The following NAP1L4 variants were observed in gnomAD, a reference collection of about 807,000 sequenced individuals.
NAP1L4 encodes nucleosome assembly protein 1 like 4.
A neutral mutation model predicts 58.2 loss-of-function variants in NAP1L4; 15 were observed. The ratio of observed to expected loss-of-function variants is 0.26; its 90% confidence interval spans 0.17 to 0.40. NAP1L4 has a LOEUF of 0.40. Ranked by LOEUF, NAP1L4 falls within the 10% of genes least tolerant of loss-of-function variation. The pLI is 1.00. For missense variants in NAP1L4, 384 were observed against 451.1 expected, an observed-to-expected ratio of 0.85 and a Z score of 1.35; for synonymous variants, 171 against 155.6, an observed-to-expected ratio of 1.10 and a Z score of -0.74.
chr11:2,970,851 C>CA (rs1401634864), intron 6 of NAP1L4, among the ~76,000 whole-genome samples: 3 of 51,466 alleles, frequency 5.8e-5, no homozygotes, highest in East Asian at 1.1e-3. Flanking sequence ...ATATACCACC[C>CA]CCCCCCCAAA....
In NAP1L4 at chr11:2,949,635, T is replaced by C. The variant is rs6578301; in HGVS notation, c.1123-371A>G. ...CACACCATTAGCCGGAACATGTTTT[T>C]AGTCCCTTCTCCCCCAACCAACATA... On this transcript the variant is annotated intron_variant, in intron 14 of 15. Coordinates refer to ENST00000380542, the MANE Select transcript of NAP1L4 (RefSeq NM_005969.4). The surrounding 1 kb of genome is among the most constrained non-coding windows in gnomAD (Gnocchi z 4.0). 0.085 allele frequency among the ~76,000 whole-genome samples: 12,906 copies of C among 152,258 alleles called. 1,800 individuals carry two copies. Among genetic ancestry groups the C allele is most frequent in the African/African-American group, 0.29 (12,196 of 41,478 alleles).
In NAP1L4 at chr11:2,955,235, G is replaced by A. The variant is rs1318373748; in HGVS notation, c.915+509C>T. Among the ~76,000 whole-genome samples, 2 of 151,948 alleles carry A rather than the reference G, an allele frequency of 1.3e-5. No homozygotes were observed. The highest frequency in any genetic ancestry group is 2.9e-5 in the Non-Finnish European group (2 of 68,004). On this transcript the variant is annotated intron_variant, in intron 11 of 15. Coordinates refer to ENST00000380542, the MANE Select transcript of NAP1L4 (RefSeq NM_005969.4). The surrounding 1 kb of genome is among the most constrained non-coding windows in gnomAD (Gnocchi z 4.2). ...ATCTTTTGAGACGGAGTCTTGCTCT[G>A]TCGCCCAATGGAATACGGTGGTGCA...
At chr11:2,961,706 TTC>T (rs555932291) in intron 8 of NAP1L4, among the ~76,000 whole-genome samples, 196 of 152,016 alleles carry the variant, frequency 1.3e-3, no homozygotes, top group African/African-American at 4.5e-3. Flanking sequence ...CCTTTTTACT[TTC>T]TCTTTTAAAG....
chr11:2,973,741 C>T (rs1011915299), intron 4 of NAP1L4, among the ~76,000 whole-genome samples: 1 of 152,172 alleles, frequency 6.6e-6, no homozygotes, highest in Non-Finnish European at 1.5e-5. Context: ...CTCCCACTGC[C>T]ATTTTTACCC....
chr11:2,964,668 G>C lies in NAP1L4; in HGVS notation c.606+12C>G. On this transcript the variant is annotated intron_variant, in intron 8 of 15. Coordinates refer to ENST00000380542, the MANE Select transcript of NAP1L4 (RefSeq NM_005969.4). ...TGTCTGATGCCAACCAGAAGGTCAA[G>C]TCAGTACTCACCATAGGCTGTCCAG... The C allele has an allele frequency of 1.9e-6, 3 of 1,610,716 alleles. No individual in the cohort carries two copies. The highest frequency in any genetic ancestry group is 2.5e-6 in the Non-Finnish European group (3 of 1,177,134).
intron 4 of NAP1L4, among the ~76,000 whole-genome samples, chr11:2,972,804 C>T (rs1370864992): frequency 2.0e-5 from 3 of 152,020 alleles, no homozygotes; most frequent in African/African-American, 7.2e-5. Context: ...CCTCTCTCTA[C>T]AAAAAAATTT....
At position 2,950,179 on chromosome 11, in the gene NAP1L4, G is replaced by A. The variant is rs116425668; in HGVS notation, c.1123-915C>T. Reference sequence around the variant, plus strand: ...TACAGCCCTCACCGCCCACCACCACGGTGCTGCGCACAGGTACGCTTTCAG... The same window carrying A: ...TACAGCCCTCACCGCCCACCACCACAGTGCTGCGCACAGGTACGCTTTCAG... On this transcript the variant is annotated intron_variant, in intron 14 of 15. Coordinates refer to ENST00000380542, the MANE Select transcript of NAP1L4 (RefSeq NM_005969.4). 3.3e-3 allele frequency among the ~76,000 whole-genome samples: 500 copies of A among 152,330 alleles called. 3 individuals are homozygous for A. The highest frequency in any genetic ancestry group is 0.011 in the African/African-American group (466 of 41,572).
chr11:2,990,457 T>C (rs918990929), intron 1 of NAP1L4: 2 of 152,258 alleles, frequency 1.3e-5, no homozygotes, highest in Non-Finnish European at 2.9e-5. Flanking sequence ...ATTTATTCCA[T>C]TAGCAATTGC....
At chr11:2,982,331 G>T (rs1848369644) in intron 1 of NAP1L4, among the ~76,000 whole-genome samples, 1 of 152,138 alleles carries the variant, frequency 6.6e-6, no homozygotes, top group African/African-American at 2.4e-5. Flanking sequence ...GTATCTCATA[G>T]CACCTTCCTT....
intron 1 of NAP1L4, chr11:2,991,014 C>T (rs754442890): frequency 2.1e-5 from 9 of 427,650 alleles, no homozygotes; most frequent in African/African-American, 1.8e-4. Context: ...GGATAAGGCA[C>T]GGGTTACTAC....
intron 10 of NAP1L4, among the ~76,000 whole-genome samples, chr11:2,957,210 C>T (rs900875039): frequency 3.9e-5 from 6 of 152,156 alleles, no homozygotes; most frequent in South Asian, 2.1e-4. Flanking sequence ...CCCTTCTTCA[C>T]GCTGAATTCA....
chr11:2,945,852 T>C (rs977966227), intron 15 of NAP1L4, among the ~76,000 whole-genome samples: 1 of 152,186 alleles, frequency 6.6e-6, no homozygotes, highest in Admixed American at 6.5e-5. Context: ...TTTTTGTTTT[T>C]AAAGCTATGC....
At position 2,946,498 on chromosome 11, in the gene NAP1L4, A is replaced by C. The variant is rs1349964587; in HGVS notation, c.*33-852T>G. Among the ~76,000 whole-genome samples the C allele has an allele frequency of 6.6e-6, 1 of 152,134 alleles. No individual in the cohort carries two copies. The highest frequency in any genetic ancestry group is 2.4e-5 in the African/African-American group (1 of 41,414). ...GCGCTAGTAACTTTACGAACCTGTA[A>C]CCTATGATTTCTGGCTAAGATTACA... is the stretch of plus-strand genomic sequence containing the variant. On this transcript the variant is annotated intron_variant, in intron 15 of 15. Coordinates refer to ENST00000380542, the MANE Select transcript of NAP1L4 (RefSeq NM_005969.4). The surrounding 1 kb of genome is among the most constrained non-coding windows in gnomAD (Gnocchi z 4.8).
intron 7 of NAP1L4, among the ~76,000 whole-genome samples, chr11:2,969,581 C>T (rs919511749): frequency 6.6e-6 from 1 of 152,178 alleles, no homozygotes; most frequent in African/African-American, 2.4e-5. Flanking sequence ...AAGCGCCCAG[C>T]TTTCCACCAA....
Position 2,971,422 on chromosome 11 carries a change from T to C in NAP1L4, c.402+26A>G, listed in dbSNP as rs1249156011. ...TTTTTAACAGTATTAAAACAGAACA[T>C]GAGTCACATGTTTCTAAAGACTTAC... On this transcript the variant is annotated intron_variant, in intron 6 of 15. Transcript: ENST00000380542. The surrounding 1 kb of genome is among the most constrained non-coding windows in gnomAD (Gnocchi z 4.2). 2 of 1,594,246 alleles carry C rather than the reference T, an allele frequency of 1.3e-6. No individual in the cohort carries two copies. The highest frequency in any genetic ancestry group is 1.7e-6 in the Non-Finnish European group (2 of 1,163,646).
Position 2,976,067 on chromosome 11 carries a change from G to A in NAP1L4, c.130C>T (p.Arg44Ter). 1 of 1,613,984 alleles carries A rather than the reference G, an allele frequency of 6.2e-7. No individual in the cohort carries two copies. The highest frequency in any genetic ancestry group is 1.1e-5 in the South Asian group (1 of 91,066). Residue 44 changes from arginine (R) to a stop codon, truncating the protein, a stop_gained, in exon 4 of 16, where the codon CGA becomes TGA. Coordinates refer to ENST00000380542, the MANE Select transcript of NAP1L4 (RefSeq NM_005969.4). LOFTEE classifies it high-confidence loss of function. ...NPRVLAALQE[R>*]LDNVPHTPSS... is the part of the protein sequence containing the mutation. ...GGGGTGTGAGGGACATTGTCAAGTC[G>A]CTCCTGTAAAGCTGCCAGAACTCGA...
chr11:2,961,426 C>T (rs1245090243), intron 8 of NAP1L4, among the ~76,000 whole-genome samples: 1 of 149,460 alleles, frequency 6.7e-6, no homozygotes, highest in East Asian at 2.0e-4. Context: ...GCAAAAATCA[C>T]AAGGAAAGGA....
intron 1 of NAP1L4, among the ~76,000 whole-genome samples, chr11:2,986,525 G>T (rs1227308190): frequency 6.6e-6 from 1 of 151,998 alleles, no homozygotes; most frequent in Non-Finnish European, 1.5e-5. Flanking sequence ...GGAGATAACT[G>T]AAGGATTAAA....
At chr11:2,988,854 C>T (rs574280569) in intron 1 of NAP1L4, among the ~76,000 whole-genome samples, 2 of 152,278 alleles carry the variant, frequency 1.3e-5, no homozygotes, top group African/African-American at 4.8e-5. Flanking sequence ...TGTTTTCATA[C>T]TATAAAAACA....
Sources: gnomAD v4.1 joint callset for allele counts (sites outside exome capture counted in the v4.1 genomes callset) on GRCh38, gnomAD v4.1.1 for gene constraint, Gnocchi (gnomAD v3.1) non-coding constraint, MANE v1.5 for transcripts, NCBI Gene and HGNC (gene_info 2026-07-23, HGNC 2026-07-21) for gene names.